MICALL1: variants seen among roughly 807,000 people sequenced by gnomAD.
The protein encoded by MICALL1 is MICAL-like protein 1.
In MICALL1, 61 loss-of-function variants were observed where a neutral mutation model predicts 83.7. The observed-to-expected ratio is 0.73, with a 90% CI of 0.59 to 0.90. The LOEUF (loss-of-function observed/expected upper bound fraction) is 0.90. MICALL1 is among the 40% of genes least tolerant of loss of function. The probability of loss-of-function intolerance (pLI) is 0.00; values close to 1 mark genes in which losing one functional copy is unlikely to be tolerated. For synonymous variants in MICALL1, 481 were observed against 473.6 expected, an observed-to-expected ratio of 1.02 and a Z score of -0.20; for missense variants, 1,066 against 1,152.0, an observed-to-expected ratio of 0.93 and a Z score of 1.08.
At chr22:37,927,891 G>A in intron 9 of MICALL1, 65 bp downstream of exon 9, 5 of 1,488,986 alleles carry the variant, frequency 3.4e-6, no homozygotes, top group Non-Finnish European at 4.5e-6. Flanking sequence ...CTGGTCTCAG[G>A]GCAGAAATGT....
chr22:37,912,126 C>G, intron 2 of MICALL1, 126 bp downstream of exon 2: 3 of 1,219,782 alleles, frequency 2.5e-6, no homozygotes, highest in Non-Finnish European at 3.6e-6. Flanking sequence ...CTGGCTGCAC[C>G]TTTCCCCACC....
intron 3 of MICALL1, among the ~76,000 whole-genome samples, chr22:37,916,925 G>A (rs778696418): frequency 3.3e-5 from 5 of 152,028 alleles, no homozygotes; most frequent in South Asian, 2.1e-4. Context: ...GTGCAGTGGC[G>A]CGATCTCAAC....
At chr22:37,925,407 C>T (rs1407708752) in intron 7 of MICALL1, among the ~76,000 whole-genome samples, 3 of 152,138 alleles carry the variant, frequency 2.0e-5, no homozygotes, top group African/African-American at 4.8e-5. Flanking sequence ...TTGTAGGTGG[C>T]AGAGCCCCTG....
intron 3 of MICALL1, among the ~76,000 whole-genome samples, chr22:37,915,403 AG>A (rs1215528901): frequency 1.3e-5 from 2 of 152,200 alleles, no homozygotes; most frequent in African/African-American, 4.8e-5. Context: ...ACAAAATGAA[AG>A]TATTTCCAGA....
Position 37,906,929 on chromosome 22 carries a change from C to G in MICALL1, c.146+361C>G, listed in dbSNP as rs1927997888. On this transcript the variant is annotated intron_variant, in intron 1 of 15. Coordinates refer to ENST00000215957, the MANE Select transcript of MICALL1 (RefSeq NM_033386.4). This position sits in a 1 kb window ranked among gnomAD's most constrained non-coding sequence, Gnocchi z 4.4. ...AGCCCTCTTTGGGGGCCCTGGGCCT[C>G]TCCTACCCTAAACTCTTCTCCACGG... The G allele has an allele frequency of 6.5e-6, 1 of 153,888 alleles. No homozygotes were observed. Among genetic ancestry groups the G allele is most frequent in the South Asian group, 2.1e-4 (1 of 4,860 alleles). 9.5% of individuals were successfully genotyped at this position (153,888 alleles called of 1,614,324 possible). A position where few individuals can be genotyped will look rare whatever the true frequency, so the allele number is the denominator to read the frequency against.
chr22:37,934,931 T>A (rs2145947942), intron 13 of MICALL1, among the ~76,000 whole-genome samples: 1 of 148,468 alleles, frequency 6.7e-6, no homozygotes, highest in Non-Finnish European at 1.5e-5. Flanking sequence ...TTTATTTATT[T>A]ATTTTTATTT....
chr22:37,932,894 TC>T lies in MICALL1; in HGVS notation c.2234+12del. ...GAGTCCGAGCTCATCTATGTGTGAG[TC>T]CCCCCGCCTGGGGCATCCCTCCCTG... On this transcript the variant is annotated splice_region_variant and intron_variant, in intron 12 of 15. Coordinates refer to ENST00000215957, the MANE Select transcript of MICALL1 (RefSeq NM_033386.4). The surrounding 1 kb of genome is among the most constrained non-coding windows in gnomAD (Gnocchi z 4.4). The T allele has an allele frequency of 6.2e-7, 1 of 1,613,444 alleles. No homozygotes were observed. The highest frequency in any genetic ancestry group is 8.5e-7 in the Non-Finnish European group (1 of 1,179,760).
chr22:37,912,850 A>T (rs1334534460), intron 3 of MICALL1, among the ~76,000 whole-genome samples: 1 of 151,640 alleles, frequency 6.6e-6, no homozygotes, highest in African/African-American at 2.4e-5. Flanking sequence ...TTTAGTAGAG[A>T]CAGGGTTTCA....
Position 37,932,804 on chromosome 22 carries a change from G to A in MICALL1, c.2150G>A (p.Arg717His), listed in dbSNP as rs1190990003. 5.0e-6 allele frequency: 8 copies of A among 1,613,974 alleles called. No homozygotes were observed. The highest frequency in any genetic ancestry group is 2.2e-5 in the East Asian group (1 of 44,868). The change falls in exon 12 of 16, where the codon CGT becomes CAT. Residue 717 changes from arginine to histidine, a missense_variant. Coordinates refer to ENST00000215957, the MANE Select transcript of MICALL1 (RefSeq NM_033386.4). This position sits in a 1 kb window ranked among gnomAD's most constrained non-coding sequence, Gnocchi z 4.4. ...EKLRGGLNEG[R>H]EDDMLVDWFK... Reference sequence around the variant, plus strand: ...GTGGGTATCTGGCTTCCAGAGGGCCGTGAGGATGACATGCTGGTGGACTGG... The same window carrying A: ...GTGGGTATCTGGCTTCCAGAGGGCCATGAGGATGACATGCTGGTGGACTGG...
chr22:37,912,353 C>A lies in MICALL1; in HGVS notation c.198C>A (p.Ala66=). The A allele has an allele frequency of 6.2e-7, 1 of 1,610,576 alleles. No homozygotes were observed. The change falls in exon 3 of 16, where the codon GCC becomes GCA. Residue 66 remains alanine, a splice_region_variant and synonymous_variant. Coordinates refer to ENST00000215957, the MANE Select transcript of MICALL1 (RefSeq NM_033386.4). ...KDNVFENNRL[A]FEVAEKELGI... ...CCTTGTACCTGTCACCACCCCAGGC[C>A]TTTGAAGTGGCTGAGAAGGAGCTGG...
intron 13 of MICALL1, among the ~76,000 whole-genome samples, chr22:37,934,695 C>T (rs960163387): frequency 1.4e-5 from 2 of 146,186 alleles, no homozygotes; most frequent in African/African-American, 5.1e-5. Flanking sequence ...CTCCCGGGTT[C>T]ACGCCATTTT....
intron 8 of MICALL1, 33 bp from the exon 9 acceptor site, chr22:37,927,378 C>T: frequency 6.5e-7 from 1 of 1,529,442 alleles, no homozygotes; most frequent in Non-Finnish European, 8.8e-7. Flanking sequence ...GTGGTGCTCC[C>T]CTTGTGAGGT....
chr22:37,937,862 T>G, intron 15 of MICALL1, 70 bp downstream of exon 15: 18 of 1,591,938 alleles, frequency 1.1e-5, no homozygotes, highest in African/African-American at 2.7e-5. Flanking sequence ...AGGGAGGGAC[T>G]GGTTGAAGGG....
rs751927675 is a variant in MICALL1, at chr22:37,925,686, C to T, written c.1108C>T (p.Pro370Ser). The change falls in exon 8 of 16, where the codon CCA becomes TCA. Residue 370 changes from proline to serine, a missense_variant. By Grantham distance (74) the Pro-to-Ser change is moderately conservative (BLOSUM62 -1). Transcript: ENST00000215957. The stretch of plus-strand genomic sequence containing the variant: ...GACACCAGCCCCCAGGAAGGACCCC[C>T]CATGGATCACGCTGGTGCAGGCAGA... ...EGTPAPRKDPPWITLVQAEPK... is the reference protein window; with the variant it reads ...EGTPAPRKDPSWITLVQAEPK... The T allele has an allele frequency of 6.2e-7, 1 of 1,609,430 alleles. No homozygotes were observed. The highest frequency in any genetic ancestry group is 1.1e-5 in the South Asian group (1 of 90,714).
intron 3 of MICALL1, among the ~76,000 whole-genome samples, chr22:37,916,957 A>G (rs1372512655): frequency 2.6e-5 from 4 of 152,152 alleles, no homozygotes; most frequent in East Asian, 3.9e-4. Context: ...TCCACCTCCC[A>G]GGTTCGAGCG....
intron 6 of MICALL1, among the ~76,000 whole-genome samples, chr22:37,923,009 C>T (rs948608438): frequency 6.6e-6 from 1 of 151,654 alleles, no homozygotes; most frequent in African/African-American, 2.4e-5. Flanking sequence ...GATCTCGGCT[C>T]ACTGCAACCT....
At position 37,924,679 on chromosome 22, in the gene MICALL1, T is replaced by G. The variant is rs751211355; in HGVS notation, c.1044T>G (p.Pro348=). The change falls in exon 7 of 16, where the codon CCT becomes CCG. Residue 348 remains proline (P), a synonymous_variant. Transcript: ENST00000215957. The surrounding 1 kb of genome is among the most constrained non-coding windows in gnomAD (Gnocchi z 5.2). The stretch of plus-strand genomic sequence containing the variant: ...ATCTAGGGAGACTGCACGAACTGCC[T>G]GTCCCCAAGCCGAGGGGGACACCGA... The part of the protein sequence containing the change: ...SLVNGRLHEL[P]VPKPRGTPKP... 1 of 1,612,484 alleles carries G rather than the reference T, an allele frequency of 6.2e-7. No homozygotes were observed. Among genetic ancestry groups the G allele is most frequent in the Non-Finnish European group, 8.5e-7 (1 of 1,179,148 alleles).
At chr22:37,927,364 C>G (rs780937615) in intron 8 of MICALL1, 47 bp from the exon 9 acceptor site, 7 of 1,504,574 alleles carry the variant, frequency 4.7e-6, no homozygotes, top group Non-Finnish European at 6.2e-6. Flanking sequence ...GGCTGGAAGC[C>G]CTTGTGGTGC....
In MICALL1 at chr22:37,930,656, C is replaced by T. The variant is rs910294943; in HGVS notation, c.1882-1143C>T. On this transcript the variant is annotated intron_variant, in intron 9 of 15. Transcript: ENST00000215957. The surrounding 1 kb of genome is among the most constrained non-coding windows in gnomAD (Gnocchi z 4.8). ...GCCCGTGTGGTGGGCAGGGCCTTGC[C>T]GTGCCCTGGCAGTGGAGCTGCCCGG... 1.3e-5 allele frequency among the ~76,000 whole-genome samples: 2 copies of T among 152,192 alleles called. No individual in the cohort carries two copies. Among genetic ancestry groups the T allele is most frequent in the African/African-American group, 2.4e-5 (1 of 41,450 alleles).
Sources: allele counts gnomAD v4.1 joint callset (sites outside exome capture counted in the v4.1 genomes callset), GRCh38; gene constraint gnomAD v4.1.1; non-coding constraint Gnocchi (gnomAD v3.1); transcripts MANE v1.5; gene names NCBI Gene and HGNC (gene_info 2026-07-23, HGNC 2026-07-21).